Variants in ACADL observed in about 807,000 individuals in gnomAD.
The protein encoded by ACADL is long-chain specific acyl-CoA dehydrogenase, mitochondrial.
In ACADL, 60 loss-of-function variants were observed where a neutral mutation model predicts 56.9. The ratio of observed to expected loss-of-function variants is 1.05; its 90% CI spans 0.86 to 1.31. The LOEUF (loss-of-function observed/expected upper bound fraction) is 1.31, where lower values mean the gene tolerates loss of function less well. Ranked by LOEUF, ACADL falls within the 50% of genes most tolerant of loss-of-function variation. ACADL has a pLI of 0.00. For missense variants in ACADL, 484 were observed against 525.5 expected (o/e 0.92, Z 0.77); for synonymous variants, 158 against 179.7 (o/e 0.88, Z 0.97).
intron 4 of ACADL, among the ~76,000 whole-genome samples, chr2:210,213,783 CT>C (rs1689028204): frequency 6.6e-6 from 1 of 152,280 alleles, no homozygotes; most frequent in Admixed American, 6.5e-5. Flanking sequence ...ACAATTTGCT[CT>C]ATGAACTTGG....
At chr2:210,217,914 G>A (rs764143112) in intron 3 of ACADL, 51 bp downstream of exon 3, 1 of 1,596,962 alleles carries the variant, frequency 6.3e-7, no homozygotes, top group African/African-American at 1.3e-5. Context: ...TCAGAAAGGT[G>A]AGTGGTGTGT....
At chr2:210,219,935 G>C (rs1193154841) in intron 2 of ACADL, among the ~76,000 whole-genome samples, 1 of 152,028 alleles carries the variant, frequency 6.6e-6, no homozygotes, top group South Asian at 2.1e-4. Flanking sequence ...TAAACTATGG[G>C]GTTTAGTAGG....
Position 210,220,643 on chromosome 2 carries a change from T to C in ACADL, c.233+4A>G, listed in dbSNP as rs1689159606. ...ATTACATTAGAGGAAAATGTGCCAC[T>C]TACTCTGAGTGATGAGGAATCACTT... On this transcript the variant is annotated splice_donor_region_variant and intron_variant, in intron 2 of 10. Coordinates refer to ENST00000233710, the MANE Select transcript of ACADL (RefSeq NM_001608.4). 6.2e-7 allele frequency: 1 copy of C among 1,612,678 alleles called. No individual in the cohort carries two copies. The highest frequency in any genetic ancestry group is 8.5e-7 in the Non-Finnish European group (1 of 1,179,254).
In ACADL at chr2:210,218,035, C is replaced by T; in HGVS notation, c.301G>A (p.Val101Ile). 3.7e-6 allele frequency: 6 copies of T among 1,614,036 alleles called. No homozygotes were observed. The highest frequency in any genetic ancestry group is 5.1e-6 in the Non-Finnish European group (6 of 1,179,990). Reference sequence around the variant, plus strand: ...CCACCAAGATGCTCTGCAATATTGACACCAAGCAGTCCTTGTTTTCCAGCT... The same window carrying T: ...CCACCAAGATGCTCTGCAATATTGATACCAAGCAGTCCTTGTTTTCCAGCT... ...EKAGKQGLLG[V>I]NIAEHLGGIG... Residue 101 changes from valine to isoleucine, a missense_variant, in exon 3 of 11, where the codon GTC becomes ATC. Val to Ile is a conservative substitution (Grantham distance 29). Transcript: ENST00000233710.
Position 210,203,421 on chromosome 2 carries a change from C to A in ACADL, c.894G>T (p.Val298=), listed in dbSNP as rs766421510. ...LPQERLLIAD[V]AISASEFMFE... is the part of the protein sequence containing the mutation. ...ACATGAATTCACTAGCTGAAATTGC[C>A]ACATCAGCAATTAACAGCCTTTCCT... The change falls in exon 8 of 11, where the codon GTG becomes GTT. Residue 298 remains valine (V), a synonymous_variant. Transcript: ENST00000233710. 2.8e-5 allele frequency: 45 copies of A among 1,612,936 alleles called. No individual in the cohort carries two copies. Among genetic ancestry groups the A allele is most frequent in the Admixed American group, 6.7e-5 (4 of 59,920 alleles).
In ACADL at chr2:210,225,411, G is replaced by A. The variant is rs908529533; in HGVS notation, c.-148C>T. The A allele has an allele frequency of 4.3e-5, 35 of 820,406 alleles. No homozygotes were observed. Among genetic ancestry groups the A allele is most frequent in the Non-Finnish European group, 3.7e-5 (20 of 539,252 alleles). 50.8% of individuals were successfully genotyped at this position (820,406 alleles called of 1,614,324 possible). On this transcript the variant is annotated 5_prime_UTR_variant, in exon 1 of 11. Coordinates refer to ENST00000233710, the MANE Select transcript of ACADL (RefSeq NM_001608.4). ...AAGCGCTCGCGCGCGCCCTTCCGGA[G>A]CCCCAACCACGCCACAGGCTGGTCG...
chr2:210,220,838 G>A, intron 1 of ACADL, 36 bp from the exon 2 acceptor site: 2 of 1,493,644 alleles, frequency 1.3e-6, no homozygotes, highest in Non-Finnish European at 1.8e-6. Context: ...AAAAGTAAGT[G>A]AATTGTTACT....
intron 1 of ACADL, among the ~76,000 whole-genome samples, chr2:210,221,041 A>G (rs1301939969): frequency 6.6e-6 from 1 of 152,102 alleles, no homozygotes. Flanking sequence ...TCCATCTCCA[A>G]ATCCTTAAAG....
At chr2:210,222,166 C>A (rs1479879353) in intron 1 of ACADL, among the ~76,000 whole-genome samples, 1 of 152,078 alleles carries the variant, frequency 6.6e-6, no homozygotes, top group African/African-American at 2.4e-5. Flanking sequence ...CAATAACGAA[C>A]AAAGGACTAA....
At chr2:210,192,671 A>AT (rs1688652581) in intron 10 of ACADL, 133 bp downstream of exon 10, 1 of 703,654 alleles carries the variant, frequency 1.4e-6, no homozygotes, top group Admixed American at 2.2e-5. Flanking sequence ...GCTTGAATAC[A>AT]TTTTGTCTGT....
intron 3 of ACADL, chr2:210,216,773 C>T (rs1689094199): frequency 7.2e-6 from 3 of 414,554 alleles, no homozygotes; most frequent in South Asian, 2.2e-5. Context: ...GAATCACCTG[C>T]AGTTGTATTC....
intron 5 of ACADL, among the ~76,000 whole-genome samples, chr2:210,207,547 T>TGG (rs902083715): frequency 6.6e-6 from 1 of 152,112 alleles, no homozygotes; most frequent in Non-Finnish European, 1.5e-5. Context: ...TCATCCTGGG[T>TGG]GGTTTAGACA....
chr2:210,190,794 G>T (rs1321405708), intron 10 of ACADL, among the ~76,000 whole-genome samples: 1 of 152,080 alleles, frequency 6.6e-6, no homozygotes, highest in Non-Finnish European at 1.5e-5. Context: ...AACTAATGTA[G>T]TTTAGTCTGG....
At chr2:210,218,854 G>C (rs1689132661) in intron 2 of ACADL, among the ~76,000 whole-genome samples, 1 of 152,248 alleles carries the variant, frequency 6.6e-6, no homozygotes, top group East Asian at 1.9e-4. Flanking sequence ...GTTTAAATAG[G>C]AAGAACAGGA....
intron 2 of ACADL, 53 bp downstream of exon 2, chr2:210,220,594 G>A: frequency 6.6e-7 from 1 of 1,519,242 alleles, no homozygotes; most frequent in Non-Finnish European, 9.1e-7. Context: ...TCTAGGAAAT[G>A]GTCCTATAAT....
chr2:210,190,585 C>G (rs890149642), intron 10 of ACADL, among the ~76,000 whole-genome samples: 1 of 152,146 alleles, frequency 6.6e-6, no homozygotes, highest in African/African-American at 2.4e-5. Flanking sequence ...GGCAGCTCTT[C>G]CCAGCATGGC....
intron 1 of ACADL, among the ~76,000 whole-genome samples, chr2:210,222,050 G>C (rs60760690): frequency 0.012 from 1,878 of 152,136 alleles, 42 homozygotes; most frequent in African/African-American, 0.043. Flanking sequence ...CTATTTCTAA[G>C]TTTTCCCTAA....
At chr2:210,199,664 G>C (rs2125710763) in intron 8 of ACADL, among the ~76,000 whole-genome samples, 1 of 151,936 alleles carries the variant, frequency 6.6e-6, no homozygotes, top group East Asian at 1.9e-4. Context: ...GATTTCCAAA[G>C]GAATGGAAAC....
chr2:210,212,554 A>C (rs1689004074), intron 4 of ACADL, among the ~76,000 whole-genome samples: 1 of 152,212 alleles, frequency 6.6e-6, no homozygotes, highest in Non-Finnish European at 1.5e-5. Flanking sequence ...TAGCCTTCAG[A>C]ACTGTAAGAG....
Sources: gnomAD v4.1 joint callset for allele counts (sites outside exome capture counted in the v4.1 genomes callset) on GRCh38, gnomAD v4.1.1 for gene constraint, MANE v1.5 for transcripts, NCBI Gene and HGNC (gene_info 2026-07-23, HGNC 2026-07-21) for gene names.